The following TMEM276 variants were observed in gnomAD, a reference collection of about 807,000 sequenced individuals.
TMEM276 encodes transmembrane protein 276.
At chr8:144,464,388 G>C in the TMEM276 span, 1 of 1,609,600 alleles carries the variant, frequency 6.2e-7, no homozygotes, top group Middle Eastern at 1.6e-4. Context: ...CAGGGCCGAG[G>C]TGGCCGCCAG....
At chr8:144,465,576 G>C in the TMEM276 span, 2 of 202,324 alleles carry the variant, frequency 9.9e-6, no homozygotes, top group Non-Finnish European at 1.7e-5. Flanking sequence ...GAGACCTGGG[G>C]GGGGCCGGTT....
chr8:144,466,655 T>C, the TMEM276 span: 2 of 1,060,678 alleles, frequency 1.9e-6, no homozygotes. Flanking sequence ...GCCCCGATGC[T>C]GGAAGCGTAG....
chr8:144,464,642 G>A, the TMEM276 span: 3 of 1,583,408 alleles, frequency 1.9e-6, no homozygotes, highest in South Asian at 1.1e-5. Context: ...AGAACACGTG[G>A]GAAAAAGAGG....
chr8:144,466,670 C>T, the TMEM276 span: 3 of 1,162,640 alleles, frequency 2.6e-6, no homozygotes, highest in Non-Finnish European at 3.5e-6. Context: ...GCGTAGACTT[C>T]GGCCCCAATC....
chr8:144,464,992 C>G, the TMEM276 span: 1 of 1,551,582 alleles, frequency 6.4e-7, no homozygotes, highest in Non-Finnish European at 8.7e-7. Context: ...GACCTGGAGC[C>G]CTACGCGCGG....
the TMEM276 span, chr8:144,464,678 A>C: frequency 6.4e-7 from 1 of 1,573,544 alleles, no homozygotes; most frequent in South Asian, 1.2e-5. Flanking sequence ...TAAACAGGAA[A>C]GGGTTTGGGG....
the TMEM276 span, chr8:144,464,506 A>T: frequency 6.2e-7 from 1 of 1,612,312 alleles, no homozygotes. Flanking sequence ...GACGGTGGCC[A>T]CCCAGGCTCC....
chr8:144,466,614 C>T, the TMEM276 span: 21 of 851,720 alleles, frequency 2.5e-5, no homozygotes, highest in Admixed American at 7.0e-4. Context: ...GGGCGCGGGG[C>T]GACGGGGCCG....
chr8:144,463,881 C>G, the TMEM276 span: 1 of 1,391,520 alleles, frequency 7.2e-7, no homozygotes, highest in Admixed American at 3.4e-5. Flanking sequence ...GGATCCACAA[C>G]CGTGTCCAGC....
chr8:144,464,124 C>G, the TMEM276 span: 11 of 1,605,374 alleles, frequency 6.9e-6, no homozygotes, highest in Admixed American at 1.7e-5. Flanking sequence ...CTGTATCCAA[C>G]TGTCACTCCC....
chr8:144,466,342 T>C, the TMEM276 span: 1 of 484,160 alleles, frequency 2.1e-6, no homozygotes, highest in South Asian at 9.1e-5. Context: ...GCACCGGCAC[T>C]GCGGCGGGCG....
the TMEM276 span, chr8:144,464,121 C>G: frequency 1.2e-6 from 2 of 1,604,464 alleles, no homozygotes; most frequent in African/African-American, 2.7e-5. Context: ...TGGCTGTATC[C>G]AACTGTCACT....
the TMEM276 span, chr8:144,464,193 C>T: frequency 6.2e-7 from 1 of 1,613,170 alleles, no homozygotes; most frequent in Middle Eastern, 1.6e-4. Flanking sequence ...CAGCCAAGGC[C>T]CAGCGACAGA....
chr8:144,464,466 G>A, the TMEM276 span: 3 of 1,612,218 alleles, frequency 1.9e-6, no homozygotes, highest in African/African-American at 4.0e-5. Context: ...TCACCCAGTG[G>A]AAATCGAAGG....
chr8:144,465,172 G>A, the TMEM276 span: 5 of 1,357,314 alleles, frequency 3.7e-6, no homozygotes, highest in Admixed American at 8.6e-5. Context: ...GGGAACGTCA[G>A]CCCTGGGGCC....
At chr8:144,466,785 G>GGCGCCCAGACCTGCCC in the TMEM276 span, 2 of 1,533,486 alleles carry the variant, frequency 1.3e-6, no homozygotes, top group Non-Finnish European at 1.7e-6. Context: ...CGGGGTCGCC[G>GGCGCCCAGACCTGCCC]GCGCCCAGAC....
the TMEM276 span, chr8:144,466,756 C>T: frequency 2.7e-5 from 41 of 1,529,616 alleles, no homozygotes; most frequent in Non-Finnish European, 3.2e-5. Flanking sequence ...TGCCCCCTCC[C>T]TAGAGAGCCC....
the TMEM276 span, chr8:144,466,885 C>T: frequency 6.5e-7 from 1 of 1,541,778 alleles, no homozygotes; most frequent in Middle Eastern, 1.8e-4. Context: ...GTGCCGGGAC[C>T]TCCCAGGGAG....
the TMEM276 span, chr8:144,466,710 C>T: frequency 7.0e-7 from 1 of 1,419,488 alleles, no homozygotes; most frequent in Non-Finnish European, 9.4e-7. Context: ...GGGAAGGGGC[C>T]AGCAGGCTGC....
Sources: gnomAD v4.1 joint callset for allele counts on GRCh38, gnomAD v4.1.1 for gene constraint, MANE v1.5 for transcripts, NCBI Gene and HGNC (gene_info 2026-07-23, HGNC 2026-07-21) for gene names.